The following MACROD2 variants were observed in gnomAD, a reference collection of about 807,000 sequenced individuals.
MACROD2 encodes the protein mono-ADP ribosylhydrolase 2, also known as ADP-ribose glycohydrolase MACROD2.
Under a neutral mutation model 70.4 loss-of-function variants are expected in MACROD2, and 36 were observed. The ratio of observed to expected loss-of-function variants is 0.51; its 90% CI spans 0.39 to 0.68. The LOEUF is 0.68. Among genes scored for constraint, MACROD2 ranks in the 30% least tolerant of loss-of-function variants. The probability of loss-of-function intolerance (pLI) is 0.00; values close to 1 mark genes in which losing one functional copy is unlikely to be tolerated. For missense variants in MACROD2, 496 were observed against 538.4 expected (o/e 0.92, Z 0.78); for synonymous variants, 172 against 178.8 (o/e 0.96, Z 0.30).
chr20:14,240,434 A>C (rs1461896944), intron 3 of MACROD2, among the ~76,000 whole-genome samples: 1 of 152,250 alleles, frequency 6.6e-6, no homozygotes, highest in Non-Finnish European at 1.5e-5. Flanking sequence ...ACATGGAATT[A>C]ACATAAATGC....
chr20:14,147,816 G>C lies in MACROD2; in HGVS notation c.271+62088G>C, dbSNP rs550039526. Among the ~76,000 whole-genome samples, 413 of 151,990 alleles carry C rather than the reference G, an allele frequency of 2.7e-3. 2 individuals are homozygous for C. Among genetic ancestry groups the C allele is most frequent in the African/African-American group, 9.4e-3 (390 of 41,436 alleles). On this transcript the variant is annotated intron_variant, in intron 3 of 17. Transcript: ENST00000684519. ...AGTCACTGAGCACTTGGGGTTTGCT[G>C]TATTTCTTTTTATTAAACCTATTTT...
intron 5 of MACROD2, among the ~76,000 whole-genome samples, chr20:14,945,669 C>CT (rs2074425755): frequency 1.3e-5 from 2 of 152,054 alleles, no homozygotes; most frequent in South Asian, 4.1e-4. Flanking sequence ...GAACCGAATG[C>CT]TTTTAAAGAG....
At chr20:14,039,523 A>C (rs925289232) in intron 2 of MACROD2, among the ~76,000 whole-genome samples, 9 of 152,154 alleles carry the variant, frequency 5.9e-5, no homozygotes, top group African/African-American at 1.9e-4. Flanking sequence ...TAATTTACAA[A>C]AGGATTGATT....
chr20:15,079,013 C>T (rs1020958500), intron 5 of MACROD2, among the ~76,000 whole-genome samples: 1 of 152,116 alleles, frequency 6.6e-6, no homozygotes, highest in Non-Finnish European at 1.5e-5. Context: ...GCAGCCTTCT[C>T]ATCCAGTTCT....
intron 5 of MACROD2, among the ~76,000 whole-genome samples, chr20:15,070,750 C>G (rs906027558): frequency 1.3e-5 from 2 of 152,124 alleles, no homozygotes; most frequent in African/African-American, 4.8e-5. Flanking sequence ...GCTTGCACAG[C>G]TGCAGAACCA....
In MACROD2 at chr20:14,002,223, G is replaced by A. The variant is rs944574978; in HGVS notation, c.47-65G>A. On this transcript the variant is annotated intron_variant, in intron 1 of 17. Coordinates refer to ENST00000684519, the MANE Select transcript of MACROD2 (RefSeq NM_001351661.2). The stretch of plus-strand genomic sequence containing the variant: ...TAGCTTAACTTGGTTAATACTTAAA[G>A]TATAAAAATAATTCCCATGTTTAAA... The A allele has an allele frequency of 1.1e-5, 12 of 1,064,598 alleles. No individual in the cohort carries two copies. The African/African-American group carries it at 1.9e-4, about 17-fold the overall frequency. 65.9% of individuals were successfully genotyped at this position (1,064,598 alleles called of 1,614,324 possible). A position where few individuals can be genotyped will look rare whatever the true frequency, so the allele number is the denominator to read the frequency against.
chr20:14,777,437 AGGCT>A (rs1238687191), intron 5 of MACROD2, among the ~76,000 whole-genome samples: 2 of 151,884 alleles, frequency 1.3e-5, no homozygotes, highest in Admixed American at 6.6e-5. Flanking sequence ...TATGTGTTAG[AGGCT>A]GGAAAGCTAT....
Position 15,408,393 on chromosome 20 carries a change from T to G in MACROD2, c.541-23012T>G, listed in dbSNP as rs558964921. On this transcript the variant is annotated intron_variant, in intron 6 of 17. Coordinates refer to ENST00000684519, the MANE Select transcript of MACROD2 (RefSeq NM_001351661.2). ...TCCCAGCCTTGGTAGTATTCACTTG[T>G]TTATGGAGGTTTGTACAAGACAGAA... Among the ~76,000 whole-genome samples the G allele has an allele frequency of 1.6e-4, 24 of 152,324 alleles. No individual in the cohort carries two copies. The East Asian group carries it at 4.6e-3, about 29-fold the overall frequency.
intron 5 of MACROD2, among the ~76,000 whole-genome samples, chr20:15,007,907 G>A (rs1296264851): frequency 6.6e-6 from 1 of 152,202 alleles, no homozygotes; most frequent in Non-Finnish European, 1.5e-5. Flanking sequence ...GTGCAGGCCA[G>A]GGGAACCCTG....
intron 3 of MACROD2, among the ~76,000 whole-genome samples, chr20:14,425,310 G>C (rs1011517112): frequency 6.6e-6 from 1 of 151,864 alleles, no homozygotes; most frequent in African/African-American, 2.4e-5. Flanking sequence ...TCCTCTCTCC[G>C]CATTACCCCA....
At chr20:14,439,113 C>T (rs1009888923) in intron 3 of MACROD2, among the ~76,000 whole-genome samples, 6 of 152,026 alleles carry the variant, frequency 3.9e-5, no homozygotes, top group South Asian at 2.1e-4. Context: ...TTTATTATTT[C>T]GCATGTGGAA....
intron 5 of MACROD2, among the ~76,000 whole-genome samples, chr20:15,155,316 G>T (rs994447894): frequency 1.1e-4 from 17 of 152,068 alleles, no homozygotes; most frequent in African/African-American, 4.1e-4. Flanking sequence ...CATGCAGTTT[G>T]CTCTCATCTG....
At chr20:15,559,143 C>T (rs1568891876) in intron 8 of MACROD2, among the ~76,000 whole-genome samples, 1 of 141,422 alleles carries the variant, frequency 7.1e-6, no homozygotes, top group African/African-American at 2.6e-5. Flanking sequence ...AGGAGAATGG[C>T]GTGAACCCGG....
intron 5 of MACROD2, among the ~76,000 whole-genome samples, chr20:14,891,003 C>A (rs2073752212): frequency 6.8e-6 from 1 of 147,190 alleles, no homozygotes; most frequent in Non-Finnish European, 1.5e-5. Context: ...CCCTCCCTCC[C>A]TCCCTTCCTA....
chr20:15,869,238 T>TATATATATATATATATATATAGAGAGAG, intron 9 of MACROD2, among the ~76,000 whole-genome samples: 5 of 28,294 alleles, frequency 1.8e-4, no homozygotes, highest in Non-Finnish European at 2.3e-4. Context: ...TATATATATA[T>TATATATATATATATATATATAGAGAGAG]AGAGAGAGAG....
At chr20:14,686,717 A>G (rs1600540131) in intron 5 of MACROD2, among the ~76,000 whole-genome samples, 1 of 152,300 alleles carries the variant, frequency 6.6e-6, no homozygotes, top group South Asian at 2.1e-4. Flanking sequence ...ATACCCTATG[A>G]TTACATAACG....
chr20:15,288,398 C>T (rs575513501), intron 6 of MACROD2, among the ~76,000 whole-genome samples: 56 of 152,092 alleles, frequency 3.7e-4, no homozygotes, highest in Non-Finnish European at 7.2e-4. Context: ...AATTTTAGGT[C>T]TCAAATTGAC....
intron 5 of MACROD2, among the ~76,000 whole-genome samples, chr20:15,043,636 T>C (rs2075371501): frequency 6.6e-6 from 1 of 152,132 alleles, no homozygotes; most frequent in South Asian, 2.1e-4. Context: ...GCTTTTGCAG[T>C]CTGGGCATGG....
intron 4 of MACROD2, among the ~76,000 whole-genome samples, chr20:14,614,493 C>T (rs899838612): frequency 6.6e-6 from 1 of 152,044 alleles, no homozygotes; most frequent in Non-Finnish European, 1.5e-5. Context: ...GAGCAGCCAG[C>T]GTTGGGAACG....
Sources: gnomAD v4.1 joint callset for allele counts (sites outside exome capture counted in the v4.1 genomes callset) on GRCh38, gnomAD v4.1.1 for gene constraint, MANE v1.5 for transcripts, NCBI Gene and HGNC (gene_info 2026-07-23, HGNC 2026-07-21) for gene names.